Variants in FMR1NB observed in about 807,000 individuals in gnomAD.
FMR1NB encodes the protein FMR1 neighbor.
Under a neutral mutation model 16.8 loss-of-function variants are expected in FMR1NB, and 10 were observed. That is an observed-to-expected ratio of 0.60 (90% confidence interval 0.37 to 1.01). The LOEUF is 1.01. Ranked by LOEUF, FMR1NB falls within the 50% of genes least tolerant of loss-of-function variation. The pLI is 0.01. For synonymous variants in FMR1NB, 83 were observed against 79.1 expected, an observed-to-expected ratio of 1.05 and a Z score of -0.26; for missense variants, 205 against 204.8, an observed-to-expected ratio of 1.00 and a Z score of 0.00.
intron 1 of FMR1NB, among the ~76,000 whole-genome samples, chrX:147,997,979 A>T (rs2044551093): frequency 8.9e-6 from 1 of 112,677 alleles, no homozygotes; most frequent in African/African-American, 3.2e-5. Context: ...GATGTGGAGA[A>T]ACAGGAACGC....
intron 1 of FMR1NB, among the ~76,000 whole-genome samples, chrX:147,986,909 G>A (rs2044479761): frequency 1.8e-5 from 2 of 111,747 alleles, no homozygotes; most frequent in African/African-American, 6.5e-5. Flanking sequence ...ATTACTTTGG[G>A]CAGTATGGCC....
At chrX:148,019,101 A>G (rs946414444) in intron 4 of FMR1NB, among the ~76,000 whole-genome samples, 1 of 112,048 alleles carries the variant, frequency 8.9e-6, no homozygotes, top group Non-Finnish European at 1.9e-5. Flanking sequence ...TCCTCTGACC[A>G]TTTTAAATGG....
At chrX:147,992,977 C>T (rs1250255461) in intron 1 of FMR1NB, among the ~76,000 whole-genome samples, 1 of 105,406 alleles carries the variant, frequency 9.5e-6, no homozygotes, top group Non-Finnish European at 1.9e-5. Context: ...AGACAATGGG[C>T]GGCCAGGCAG....
intron 2 of FMR1NB, among the ~76,000 whole-genome samples, chrX:148,004,855 T>G (rs1416735770): frequency 8.9e-6 from 1 of 112,750 alleles, no homozygotes. Flanking sequence ...TCTTTAAAAT[T>G]ACCAATGCCT....
intron 1 of FMR1NB, among the ~76,000 whole-genome samples, chrX:147,987,974 C>CA (rs1485792726): frequency 9.0e-6 from 1 of 111,144 alleles, no homozygotes; most frequent in Non-Finnish European, 1.9e-5. Context: ...TCCAATTTGC[C>CA]AGTCTCTGTA....
chrX:148,008,038 GCTTATTT>G (rs1657924171), intron 3 of FMR1NB: 1 of 112,187 alleles, frequency 8.9e-6, no homozygotes, highest in Admixed American at 9.5e-5. Flanking sequence ...ACTAAAATAT[GCTTATTT>G]CACCTGCACA....
intron 1 of FMR1NB, 130 bp downstream of exon 1, chrX:147,981,809 C>A: frequency 1.3e-6 from 1 of 767,308 alleles, no homozygotes; most frequent in Non-Finnish European, 1.8e-6. Context: ...TCTCTCCTCC[C>A]AAAGGCCTTT....
In FMR1NB at chrX:148,015,408, T is replaced by C. The variant is rs542459072; in HGVS notation, c.632+6697T>C. Among the ~76,000 whole-genome samples the C allele has an allele frequency of 8.0e-5, 9 of 112,006 alleles. No individual in the cohort carries two copies. In the South Asian group the frequency reaches 3.3e-3, roughly 42 times the overall value. The stretch of plus-strand genomic sequence containing the variant: ...TTTTCTGGTTATTTAAGATGTATCA[T>C]TAGGCTGTTTATGTGAAGTTTTTCC... On this transcript the variant is annotated intron_variant, in intron 4 of 5. Transcript: ENST00000370467.
chrX:148,020,760 A>C (rs2044674130), intron 4 of FMR1NB, among the ~76,000 whole-genome samples: 1 of 111,759 alleles, frequency 8.9e-6, no homozygotes, highest in Non-Finnish European at 1.9e-5. Context: ...CTGATATCCA[A>C]GATGTAAGAC....
intron 1 of FMR1NB, among the ~76,000 whole-genome samples, chrX:147,995,079 T>C (rs1557188043): frequency 8.9e-6 from 1 of 111,790 alleles, no homozygotes; most frequent in Non-Finnish European, 1.9e-5. Flanking sequence ...CAGACACCCA[T>C]ACAGGAAAGA....
intron 1 of FMR1NB, among the ~76,000 whole-genome samples, chrX:147,993,873 C>T (rs994532563): frequency 1.8e-5 from 2 of 111,196 alleles, no homozygotes; most frequent in Non-Finnish European, 3.8e-5. Context: ...ACTTAATGGT[C>T]TTTCTGCCTC....
chrX:147,981,597 C>A lies in FMR1NB; in HGVS notation c.195C>A (p.Val65=). The part of the protein sequence containing the change: ...PGWRESLKMR[V]SKPFGMLMLS... ...GGCGGGAATCTCTAAAGATGCGGGTCAGCAAACCCTTTGGGATGCTCATGC... is the reference window on the plus strand; with the variant it reads ...GGCGGGAATCTCTAAAGATGCGGGTAAGCAAACCCTTTGGGATGCTCATGC... The change falls in exon 1 of 6, where the codon GTC becomes GTA. Residue 65 remains valine, a synonymous_variant. Coordinates refer to ENST00000370467, the MANE Select transcript of FMR1NB (RefSeq NM_152578.3). 8.3e-7 allele frequency: 1 copy of A among 1,211,352 alleles called. No individual in the cohort carries two copies. The highest frequency in any genetic ancestry group is 1.1e-6 in the Non-Finnish European group (1 of 895,399).
intron 1 of FMR1NB, among the ~76,000 whole-genome samples, chrX:148,001,978 C>A (rs946825067): frequency 2.7e-5 from 3 of 110,296 alleles, no homozygotes; most frequent in African/African-American, 9.9e-5. Flanking sequence ...ACAACACACT[C>A]CAAAATATAC....
At chrX:148,025,519 T>TA (rs1261641908) in intron 5 of FMR1NB, among the ~76,000 whole-genome samples, 5 of 111,718 alleles carry the variant, frequency 4.5e-5, no homozygotes, top group Admixed American at 2.9e-4. Context: ...CACTAGGGAC[T>TA]ACTTTGTACA....
At chrX:147,984,019 A>C (rs2044464127) in intron 1 of FMR1NB, among the ~76,000 whole-genome samples, 1 of 111,911 alleles carries the variant, frequency 8.9e-6, no homozygotes, top group Non-Finnish European at 1.9e-5. Context: ...CTGAAAAATC[A>C]GTTGATTATA....
chrX:148,008,693 G>A lies in FMR1NB; in HGVS notation c.614G>A (p.Arg205His), dbSNP rs782759389. 8 of 1,209,068 alleles carry A rather than the reference G, an allele frequency of 6.6e-6. No homozygotes were observed. The highest frequency in any genetic ancestry group is 3.5e-5 in the African/African-American group (2 of 57,137). ...CTGGTATGTCTGCCCATTTATTGCC[G>A]CTCTCTTTTCTGGAGGAGGTAGGTG... ...LILVCLPIYC[R>H]SLFWRSEPAD... The change falls in exon 4 of 6, where the codon CGC becomes CAC. Residue 205 changes from arginine to histidine, a missense_variant. Transcript: ENST00000370467.
chrX:148,007,081 G>C (rs1379217458), intron 3 of FMR1NB, among the ~76,000 whole-genome samples: 1 of 111,352 alleles, frequency 9.0e-6, no homozygotes, highest in Non-Finnish European at 1.9e-5. Flanking sequence ...TTTTGCTTTA[G>C]TCACTCTCTG....
chrX:147,996,178 T>G (rs2044540607), intron 1 of FMR1NB, among the ~76,000 whole-genome samples: 1 of 112,071 alleles, frequency 8.9e-6, no homozygotes, highest in African/African-American at 3.2e-5. Context: ...TTAATAAAAA[T>G]AAATATCCTG....
At chrX:147,999,579 TC>T (rs1365799102) in intron 1 of FMR1NB, among the ~76,000 whole-genome samples, 2 of 110,658 alleles carry the variant, frequency 1.8e-5, no homozygotes, top group Non-Finnish European at 3.8e-5. Context: ...AGAGACTGGC[TC>T]CCATTTAAAG....
Sources: allele counts gnomAD v4.1 joint callset (sites outside exome capture counted in the v4.1 genomes callset), GRCh38; gene constraint gnomAD v4.1.1; transcripts MANE v1.5; gene names NCBI Gene and HGNC (gene_info 2026-07-23, HGNC 2026-07-21).